Variants in MRTFB observed in about 807,000 individuals in gnomAD.
The protein encoded by MRTFB is myocardin-related transcription factor B.
MRTFB carries 29 observed loss-of-function variants against 104.2 expected under a neutral mutation model. The observed-to-expected ratio is 0.28, with a 90% CI of 0.21 to 0.38. MRTFB has a LOEUF of 0.38. Ranked by LOEUF, MRTFB falls within the 10% of genes least tolerant of loss-of-function variation. The pLI is 1.00. For synonymous variants in MRTFB, 535 were observed against 519.5 expected (o/e 1.03, Z -0.41); for missense variants, 1,270 against 1,341.6 (o/e 0.95, Z 0.83).
At chr16:14,200,747 G>T in intron 3 of MRTFB, 2 of 1,492,918 alleles carry the variant, frequency 1.3e-6, no homozygotes, top group Non-Finnish European at 1.9e-6. Flanking sequence ...GTTGGGACTT[G>T]TTGCCTGTCC....
intron 2 of MRTFB, among the ~76,000 whole-genome samples, chr16:14,090,908 G>GTGTA (rs1005077314): frequency 3.3e-5 from 5 of 151,954 alleles, no homozygotes; most frequent in African/African-American, 1.2e-4. Flanking sequence ...GTGTGTGTGT[G>GTGTA]TGTGTGTGTG....
chr16:14,253,205 A>G (rs2043325256), intron 15 of MRTFB, among the ~76,000 whole-genome samples: 1 of 152,158 alleles, frequency 6.6e-6, no homozygotes, highest in African/African-American at 2.4e-5. Flanking sequence ...CTTGTCATAC[A>G]TTACCCTAAA....
At chr16:14,139,259 C>T (rs1033316803) in intron 2 of MRTFB, among the ~76,000 whole-genome samples, 12 of 152,066 alleles carry the variant, frequency 7.9e-5, no homozygotes, top group South Asian at 2.1e-4. Flanking sequence ...AAGAAATATT[C>T]GCTCAGATAC....
At chr16:14,217,320 G>A in intron 7 of MRTFB, 33 bp downstream of exon 7, 1 of 1,551,168 alleles carries the variant, frequency 6.4e-7, no homozygotes, top group Non-Finnish European at 8.7e-7. Flanking sequence ...TTTGGGGTGA[G>A]AAAGAGAAAC....
At position 14,218,971 on chromosome 16, in the gene MRTFB, T is replaced by A. The variant is rs751549938; in HGVS notation, c.666T>A (p.Ser222=). The change falls in exon 8 of 17, where the codon TCT becomes TCA. Residue 222 remains serine (S), a synonymous_variant. Transcript: ENST00000571589. ...AGCCAAAAGTTAGTGAATCGCCATC[T>A]CCTGTGACTACAAACACTCCAGCGC... The part of the protein sequence containing the change: ...PSEPKVSESP[S]PVTTNTPAQF... 6.2e-7 allele frequency: 1 copy of A among 1,613,988 alleles called. No homozygotes were observed. Among genetic ancestry groups the A allele is most frequent in the Non-Finnish European group, 8.5e-7 (1 of 1,179,942 alleles).
In MRTFB at chr16:14,244,035, G is replaced by A. The variant is rs371251615; in HGVS notation, c.1080-1493G>A. On this transcript the variant is annotated intron_variant, in intron 10 of 16. Transcript: ENST00000571589. Reference sequence around the variant, plus strand: ...TGGGGCTACAGGCGCCCGCCACCACGCCTGGCTAATTTTTTGTATTTTTAA... The same window carrying A: ...TGGGGCTACAGGCGCCCGCCACCACACCTGGCTAATTTTTTGTATTTTTAA... 2.8e-4 allele frequency among the ~76,000 whole-genome samples: 42 copies of A among 151,894 alleles called. No individual in the cohort carries two copies. In the East Asian group the frequency reaches 6.2e-3, roughly 22 times the overall value.
Position 14,237,033 on chromosome 16 carries a change from G to A in MRTFB, c.831+2750G>A, listed in dbSNP as rs866567766. On this transcript the variant is annotated intron_variant, in intron 9 of 16. Transcript: ENST00000571589. Reference sequence around the variant, plus strand: ...GTGACTAGCAACTTGCAGTTGCCACGTCCTGTAATGGAAAGGAGTACACCT... The same window carrying A: ...GTGACTAGCAACTTGCAGTTGCCACATCCTGTAATGGAAAGGAGTACACCT... Among the ~76,000 whole-genome samples the A allele has an allele frequency of 3.3e-5, 5 of 152,300 alleles. 1 individual carries two copies. Among genetic ancestry groups the A allele is most frequent in the Middle Eastern group, 6.8e-3 (2 of 294 alleles).
At chr16:14,182,202 A>G (rs765153054) in intron 3 of MRTFB, among the ~76,000 whole-genome samples, 1 of 152,182 alleles carries the variant, frequency 6.6e-6, no homozygotes, top group Non-Finnish European at 1.5e-5. Context: ...ATTCATTCCA[A>G]AAGGCATTGT....
chr16:14,085,405 C>T (rs557133402), intron 2 of MRTFB, among the ~76,000 whole-genome samples: 31 of 137,082 alleles, frequency 2.3e-4, no homozygotes, highest in South Asian at 4.7e-4. Flanking sequence ...TGCAGTGAGC[C>T]GAGATCGCAC....
At chr16:14,089,205 A>T (rs558546788) in intron 2 of MRTFB, among the ~76,000 whole-genome samples, 26 of 151,268 alleles carry the variant, frequency 1.7e-4, no homozygotes, top group Non-Finnish European at 3.1e-4. Context: ...GTAGAACTCA[A>T]TGATTTTTAG....
chr16:14,171,434 G>A (rs1231917780), intron 3 of MRTFB, among the ~76,000 whole-genome samples: 1 of 151,864 alleles, frequency 6.6e-6, no homozygotes, highest in Non-Finnish European at 1.5e-5. Flanking sequence ...GACAGAGGTT[G>A]CAGTGAGTGA....
chr16:14,164,893 T>C (rs772328375), intron 3 of MRTFB, among the ~76,000 whole-genome samples: 1 of 150,628 alleles, frequency 6.6e-6, no homozygotes, highest in Non-Finnish European at 1.5e-5. Context: ...AAAATAATTA[T>C]CGAGGGTTAG....
At chr16:14,040,393 A>G in the MRTFB span, among the ~76,000 whole-genome samples, 1 of 152,160 alleles carries the variant, frequency 6.6e-6, no homozygotes, top group African/African-American at 2.4e-5. Flanking sequence ...GTTGCCCTTT[A>G]GAATAGTTAT....
chr16:14,120,474 A>G (rs1463055610), intron 2 of MRTFB, among the ~76,000 whole-genome samples: 2 of 152,092 alleles, frequency 1.3e-5, no homozygotes, highest in African/African-American at 2.4e-5. Context: ...CTGTGTGTGC[A>G]TATAAGATAG....
chr16:14,127,900 AATATAT>A (rs1194977108), intron 2 of MRTFB, among the ~76,000 whole-genome samples: 10 of 49,540 alleles, frequency 2.0e-4, no homozygotes, highest in African/African-American at 5.4e-4. Flanking sequence ...AGCAAAACTG[AATATAT>A]ATATATATAT....
At chr16:14,230,489 T>G (rs1196581043) in intron 8 of MRTFB, among the ~76,000 whole-genome samples, 2 of 151,958 alleles carry the variant, frequency 1.3e-5, no homozygotes, top group East Asian at 3.8e-4. Flanking sequence ...AACAGACACT[T>G]CTCAAAAGAA....
At chr16:14,231,483 C>T (rs530565952) in intron 8 of MRTFB, among the ~76,000 whole-genome samples, 1 of 152,150 alleles carries the variant, frequency 6.6e-6, no homozygotes, top group Non-Finnish European at 1.5e-5. Flanking sequence ...TTTTGTCACC[C>T]AGGTACTAAG....
At chr16:14,213,424 C>G in intron 5 of MRTFB, 121 bp from the exon 6 acceptor site, 1 of 602,736 alleles carries the variant, frequency 1.7e-6, no homozygotes, top group South Asian at 2.7e-5. Flanking sequence ...CTAATTTCTA[C>G]TCTTCGTCTC....
chr16:14,241,356 T>C (rs2042760254), intron 10 of MRTFB: 1 of 152,304 alleles, frequency 6.6e-6, no homozygotes, highest in South Asian at 2.1e-4. Context: ...ATTCTGACAA[T>C]TTCTGAAACT....
Sources: allele counts gnomAD v4.1 joint callset (sites outside exome capture counted in the v4.1 genomes callset), GRCh38; gene constraint gnomAD v4.1.1; transcripts MANE v1.5; gene names NCBI Gene and HGNC (gene_info 2026-07-23, HGNC 2026-07-21).